SEC24B: variants seen among roughly 807,000 people sequenced by gnomAD.
The protein encoded by SEC24B is protein transport protein Sec24B.
A neutral mutation model predicts 142.8 loss-of-function variants in SEC24B; 45 were observed. That is an observed-to-expected ratio of 0.32 (90% confidence interval 0.25 to 0.40). The LOEUF is 0.40. Among genes scored for constraint, SEC24B ranks in the 10% least tolerant of loss-of-function variants. SEC24B has a pLI of 1.00. For synonymous variants in SEC24B, 574 were observed against 568.2 expected, an observed-to-expected ratio of 1.01 and a Z score of -0.15; for missense variants, 1,409 against 1,526.8, an observed-to-expected ratio of 0.92 and a Z score of 1.29.
intron 4 of SEC24B, chr4:109,488,862 G>A: frequency 6.1e-6 from 1 of 162,964 alleles, no homozygotes. Flanking sequence ...TTGTGATGTT[G>A]AGCATCTTTT....
intron 6 of SEC24B, among the ~76,000 whole-genome samples, chr4:109,501,507 G>A (rs1165234864): frequency 6.6e-6 from 1 of 152,190 alleles, no homozygotes; most frequent in Non-Finnish European, 1.5e-5. Context: ...GTCTCACTCT[G>A]TGTCCCAAGC....
At chr4:109,539,422 A>G (rs971305141) in intron 23 of SEC24B, 139 bp from the exon 24 acceptor site, 2 of 643,302 alleles carry the variant, frequency 3.1e-6, no homozygotes, top group Non-Finnish European at 2.7e-6. Context: ...TAAAATATAT[A>G]CTATTTTTAG....
At chr4:109,499,050 A>C (rs1261112312) in intron 6 of SEC24B, among the ~76,000 whole-genome samples, 1 of 152,206 alleles carries the variant, frequency 6.6e-6, no homozygotes, top group South Asian at 2.1e-4. Flanking sequence ...GAAAATGCAG[A>C]TAAACAAAAG....
At chr4:109,522,999 G>C (rs897743802) in intron 14 of SEC24B, among the ~76,000 whole-genome samples, 1 of 152,040 alleles carries the variant, frequency 6.6e-6, no homozygotes, top group Non-Finnish European at 1.5e-5. Context: ...CCTGCAAAGT[G>C]CTGGGATTGC....
intron 10 of SEC24B, among the ~76,000 whole-genome samples, chr4:109,515,864 C>A (rs944459578): frequency 1.4e-5 from 2 of 138,652 alleles, no homozygotes; most frequent in Admixed American, 1.4e-4. Flanking sequence ...ACATAGTGAA[C>A]CCCCCCCCAC....
At position 109,524,901 on chromosome 4, in the gene SEC24B, G is replaced by A. The variant is rs767294324; in HGVS notation, c.2592G>A (p.Leu864=). Residue 864 remains leucine, a synonymous_variant, in exon 15 of 24, where the codon TTG becomes TTA. Transcript: ENST00000265175. ...DCSGQQTAVD[L]FLLSSQYSDL... ...CGGGACAGCAAACTGCAGTGGATTT[G>A]TTCCTTTTAAGTTCACAGTATTCTG... 8 of 1,612,192 alleles carry A rather than the reference G, an allele frequency of 5.0e-6. No homozygotes were observed. Among genetic ancestry groups the A allele is most frequent in the South Asian group, 1.1e-5 (1 of 90,776 alleles).
intron 1 of SEC24B, among the ~76,000 whole-genome samples, chr4:109,435,120 A>G (rs541876200): frequency 3.9e-5 from 6 of 152,226 alleles, no homozygotes; most frequent in Non-Finnish European, 8.8e-5. Flanking sequence ...GCTGGACTTT[A>G]TGAATTAGTT....
intron 9 of SEC24B, among the ~76,000 whole-genome samples, chr4:109,513,285 A>ATT (rs35150434): frequency 1.8e-5 from 2 of 112,370 alleles, no homozygotes; most frequent in Non-Finnish European, 2.0e-5. Context: ...CCTGATTATT[A>ATT]TTTTTTTTTT....
intron 11 of SEC24B, 74 bp downstream of exon 11, chr4:109,516,714 C>T (rs74400739): frequency 0.014 from 11,384 of 841,760 alleles, 122 homozygotes; most frequent in Middle Eastern, 0.019. Flanking sequence ...ATGAAGTGTT[C>T]GCAGTTTGTG....
chr4:109,458,026 T>C (rs992206244), intron 1 of SEC24B, among the ~76,000 whole-genome samples: 1 of 152,126 alleles, frequency 6.6e-6, no homozygotes, highest in African/African-American at 2.4e-5. Flanking sequence ...GCTTTACTGA[T>C]TATTACAAGT....
chr4:109,510,039 A>G lies in SEC24B; in HGVS notation c.1704A>G (p.Pro568=), dbSNP rs1278506609. The G allele has an allele frequency of 1.2e-6, 2 of 1,609,208 alleles. No individual in the cohort carries two copies. The highest frequency in any genetic ancestry group is 1.7e-6 in the Non-Finnish European group (2 of 1,178,236). ...TTCGGTGTACTTTGACAAATATTCCACAGACACAGGCTTTACTGAATAAAG... is the reference window on the plus strand; with the variant it reads ...TTCGGTGTACTTTGACAAATATTCCGCAGACACAGGCTTTACTGAATAAAG... ...DSFRCTLTNI[P]QTQALLNKAK... The change falls in exon 8 of 24, where the codon CCA becomes CCG. Residue 568 remains proline (P), a synonymous_variant. Coordinates refer to ENST00000265175, the MANE Select transcript of SEC24B (RefSeq NM_006323.5).
intron 22 of SEC24B, among the ~76,000 whole-genome samples, chr4:109,534,290 T>TC (rs982864993): frequency 6.6e-6 from 1 of 151,586 alleles, no homozygotes; most frequent in Non-Finnish European, 1.5e-5. Flanking sequence ...TTTTTTTTTT[T>TC]ATACTATTAA....
At chr4:109,456,112 C>G (rs1730640997) in intron 1 of SEC24B, among the ~76,000 whole-genome samples, 1 of 152,028 alleles carries the variant, frequency 6.6e-6, no homozygotes, top group Non-Finnish European at 1.5e-5. Context: ...AGATTTACAT[C>G]TAAGTACTTC....
intron 4 of SEC24B, among the ~76,000 whole-genome samples, chr4:109,486,883 A>G (rs1161205936): frequency 6.6e-6 from 1 of 152,176 alleles, no homozygotes; most frequent in African/African-American, 2.4e-5. Context: ...TGAAAAGTGT[A>G]AGCAGGCGCG....
At chr4:109,439,929 T>A (rs1168797306) in intron 1 of SEC24B, among the ~76,000 whole-genome samples, 1 of 151,468 alleles carries the variant, frequency 6.6e-6, no homozygotes, top group Admixed American at 6.6e-5. Context: ...GAGACCAGCC[T>A]GGACGACAGG....
intron 1 of SEC24B, among the ~76,000 whole-genome samples, chr4:109,443,175 T>A (rs995649633): frequency 6.6e-6 from 1 of 152,126 alleles, no homozygotes; most frequent in Non-Finnish European, 1.5e-5. Context: ...ACTAAGAAAT[T>A]GAAAGCAATC....
At chr4:109,493,505 GTTTT>G (rs1225955312) in intron 5 of SEC24B, among the ~76,000 whole-genome samples, 4 of 151,950 alleles carry the variant, frequency 2.6e-5, no homozygotes, top group African/African-American at 4.8e-5. Flanking sequence ...GTTTTCTGCA[GTTTT>G]TTTGTTTTCC....
Position 109,526,797 on chromosome 4 carries a change from G to T in SEC24B, c.2965+398G>T, listed in dbSNP as rs1724284040. On this transcript the variant is annotated intron_variant, in intron 17 of 23. Transcript: ENST00000265175. ...ATTTAGAATGAGTGATATAGCGTAT[G>T]TTCATACTCTGCAGATTTGGAGAGT... is the stretch of plus-strand genomic sequence containing the variant. 2.6e-5 allele frequency among the ~76,000 whole-genome samples: 4 copies of T among 152,166 alleles called. No individual in the cohort carries two copies. In the South Asian group the frequency reaches 8.3e-4, roughly 32 times the overall value.
intron 1 of SEC24B, among the ~76,000 whole-genome samples, chr4:109,435,241 C>G (rs1358342652): frequency 1.3e-5 from 2 of 152,214 alleles, no homozygotes; most frequent in Non-Finnish European, 2.9e-5. Context: ...TTGGATCAGC[C>G]TTACCTATCA....
Sources: gnomAD v4.1 joint callset for allele counts (sites outside exome capture counted in the v4.1 genomes callset) on GRCh38, gnomAD v4.1.1 for gene constraint, MANE v1.5 for transcripts, NCBI Gene and HGNC (gene_info 2026-07-23, HGNC 2026-07-21) for gene names.